Variants in TPRG1 observed in about 807,000 individuals in gnomAD.
TPRG1 encodes tumor protein p63-regulated gene 1 protein.
A neutral mutation model predicts 29.3 loss-of-function variants in TPRG1; 29 were observed. The observed-to-expected ratio is 0.99, with a 90% confidence interval of 0.74 to 1.35. The LOEUF is 1.35. Ranked by LOEUF, TPRG1 falls within the 40% of genes most tolerant of loss-of-function variation. The pLI is 0.00. For missense variants in TPRG1, 327 were observed against 335.0 expected (o/e 0.98, Z 0.19); for synonymous variants, 130 against 116.8 (o/e 1.11, Z -0.73).
intron 5 of TPRG1, among the ~76,000 whole-genome samples, chr3:189,166,683 C>T (rs1186318933): frequency 1.3e-5 from 2 of 152,108 alleles, no homozygotes; most frequent in Non-Finnish European, 2.9e-5. Flanking sequence ...ACTAGCTCTT[C>T]GTTTGTGTGT....
intron 4 of TPRG1, among the ~76,000 whole-genome samples, chr3:189,294,278 A>T (rs1198336582): frequency 7.4e-6 from 1 of 135,058 alleles, no homozygotes; most frequent in Admixed American, 6.9e-5. Flanking sequence ...CTCTGCAGTG[A>T]TATGGAAGAT....
intron 4 of TPRG1, among the ~76,000 whole-genome samples, chr3:189,040,012 G>A (rs930622536): frequency 6.6e-6 from 1 of 152,084 alleles, no homozygotes; most frequent in Non-Finnish European, 1.5e-5. Flanking sequence ...ATTACTTTAA[G>A]ATACATTACT....
chr3:189,183,447 T>C (rs1730507592), intron 1 of TPRG1, among the ~76,000 whole-genome samples: 2 of 151,796 alleles, frequency 1.3e-5, no homozygotes, highest in South Asian at 2.1e-4. Context: ...AGGAGAAGGG[T>C]TTTGAGAGCA....
At position 189,183,070 on chromosome 3, in the gene TPRG1, G is replaced by A. The variant is rs114361261; in HGVS notation, c.-10+10939G>A. The stretch of plus-strand genomic sequence containing the variant: ...CTTGGAAACAGAGTGACTTTTTATC[G>A]GGGAACCTGCCCCAGTAGTCACGTA... On this transcript the variant is annotated intron_variant, in intron 1 of 5. Coordinates refer to ENST00000345063, the MANE Select transcript of TPRG1 (RefSeq NM_198485.4). Among the ~76,000 whole-genome samples the A allele has an allele frequency of 7.1e-3, 1,078 of 152,188 alleles. 13 individuals carry two copies. Among genetic ancestry groups the A allele is most frequent in the African/African-American group, 0.025 (1,032 of 41,500 alleles).
chr3:189,147,362 T>A (rs1028930379), intron 3 of TPRG1, among the ~76,000 whole-genome samples: 1 of 152,178 alleles, frequency 6.6e-6, no homozygotes, highest in African/African-American at 2.4e-5. Flanking sequence ...ACCTGGAGCA[T>A]TGTGGATGCA....
chr3:189,126,307 A>G (rs1267990614), intron 1 of TPRG1, among the ~76,000 whole-genome samples: 3 of 151,892 alleles, frequency 2.0e-5, no homozygotes, highest in African/African-American at 7.3e-5. Flanking sequence ...AAAAAATACC[A>G]CTCTGCTTTC....
At chr3:189,183,357 A>G (rs546240787) in intron 1 of TPRG1, among the ~76,000 whole-genome samples, 57 of 152,326 alleles carry the variant, frequency 3.7e-4, no homozygotes, top group Admixed American at 1.6e-3. Context: ...GCAGGGCAAG[A>G]TCACAGCACC....
At chr3:189,244,385 C>A (rs1036512564) in intron 4 of TPRG1, among the ~76,000 whole-genome samples, 1 of 152,056 alleles carries the variant, frequency 6.6e-6, no homozygotes, top group African/African-American at 2.4e-5. Flanking sequence ...AGCCACTGCA[C>A]TCCAGCCTGG....
intron 4 of TPRG1, among the ~76,000 whole-genome samples, chr3:189,289,296 C>T (rs1718599336): frequency 6.6e-6 from 1 of 152,122 alleles, no homozygotes; most frequent in Non-Finnish European, 1.5e-5. Context: ...CTTCTTTCTC[C>T]CCCCGACCCC....
chr3:189,177,482 A>G (rs1729642954), intron 1 of TPRG1, among the ~76,000 whole-genome samples: 1 of 151,466 alleles, frequency 6.6e-6, no homozygotes, highest in African/African-American at 2.4e-5. Context: ...ATATATGTAT[A>G]TACATATATA....
chr3:189,111,175 A>G (rs1026347949), intron 1 of TPRG1, among the ~76,000 whole-genome samples: 4 of 152,040 alleles, frequency 2.6e-5, no homozygotes, highest in Non-Finnish European at 5.9e-5. Context: ...GGAAATTAAC[A>G]TATTAATAAT....
chr3:189,144,545 T>C (rs956760952), intron 3 of TPRG1, among the ~76,000 whole-genome samples: 5 of 152,184 alleles, frequency 3.3e-5, no homozygotes, highest in African/African-American at 1.2e-4. Flanking sequence ...AAACAGCTAA[T>C]ATTTTGGTAG....
chr3:189,267,646 A>C (rs890618683), intron 4 of TPRG1: 2 of 149,976 alleles, frequency 1.3e-5, no homozygotes, highest in African/African-American at 2.4e-5. Context: ...TTAAGTAATC[A>C]TGACTAGTCT....
intron 4 of TPRG1, among the ~76,000 whole-genome samples, chr3:189,084,237 A>G (rs973143729): frequency 6.6e-6 from 1 of 152,234 alleles, no homozygotes; most frequent in African/African-American, 2.4e-5. Flanking sequence ...ATTTTATTAT[A>G]AATTAGATAT....
chr3:189,100,301 C>T (rs1027193514), intron 1 of TPRG1: 1 of 152,258 alleles, frequency 6.6e-6, no homozygotes, highest in African/African-American at 2.4e-5. Context: ...GCCAAATTGC[C>T]TCAGCTGCAT....
chr3:189,062,496 CA>C (rs986283165), intron 4 of TPRG1, among the ~76,000 whole-genome samples: 11 of 151,730 alleles, frequency 7.2e-5, no homozygotes, highest in African/African-American at 2.7e-4. Flanking sequence ...AAAGAAGGAA[CA>C]AAAAAATAGC....
intron 4 of TPRG1, among the ~76,000 whole-genome samples, chr3:189,299,252 T>C (rs1374681883): frequency 1.3e-5 from 2 of 152,158 alleles, no homozygotes; most frequent in Non-Finnish European, 2.9e-5. Flanking sequence ...CTTTATTGTG[T>C]AGCATTTTTC....
At chr3:189,304,296 G>A (rs1012205548) in intron 4 of TPRG1, among the ~76,000 whole-genome samples, 2 of 152,116 alleles carry the variant, frequency 1.3e-5, no homozygotes, top group Non-Finnish European at 2.9e-5. Context: ...GTTGAATAGT[G>A]GCAGATCCAT....
intron 4 of TPRG1, among the ~76,000 whole-genome samples, chr3:189,081,043 G>A (rs1211979901): frequency 6.6e-6 from 1 of 152,004 alleles, no homozygotes; most frequent in Non-Finnish European, 1.5e-5. Flanking sequence ...AGAAGATGAA[G>A]GTAAAGAATT....
Sources: allele counts gnomAD v4.1 joint callset (sites outside exome capture counted in the v4.1 genomes callset), GRCh38; gene constraint gnomAD v4.1.1; transcripts MANE v1.5; gene names NCBI Gene and HGNC (gene_info 2026-07-23, HGNC 2026-07-21).